DPYD: variants seen among roughly 807,000 people sequenced by gnomAD.
DPYD encodes the protein dihydropyrimidine dehydrogenase.
DPYD carries 109 observed loss-of-function variants against 116.2 expected under a neutral mutation model. The ratio of observed to expected loss-of-function variants is 0.94; its 90% CI spans 0.80 to 1.10. The LOEUF (loss-of-function observed/expected upper bound fraction) is 1.10. Ranked by LOEUF, DPYD falls within the 50% of genes least tolerant of loss-of-function variation. DPYD has a pLI of 0.00. For synonymous variants in DPYD, 440 were observed against 432.0 expected (o/e 1.02, Z -0.23); for missense variants, 1,302 against 1,254.5 (o/e 1.04, Z -0.57).
intron 4 of DPYD, among the ~76,000 whole-genome samples, chr1:97,726,072 T>C (rs904601484): frequency 2.6e-5 from 4 of 151,524 alleles, no homozygotes; most frequent in African/African-American, 7.2e-5. Flanking sequence ...TTGCATAAAA[T>C]AGCTAGATTA....
At chr1:97,863,125 A>G (rs1671204880) in intron 2 of DPYD, among the ~76,000 whole-genome samples, 1 of 151,958 alleles carries the variant, frequency 6.6e-6, no homozygotes, top group African/African-American at 2.4e-5. Flanking sequence ...GATATTAATC[A>G]TTAGGATAAA....
intron 12 of DPYD, among the ~76,000 whole-genome samples, chr1:97,541,596 T>C (rs1486530860): frequency 6.6e-6 from 1 of 152,150 alleles, no homozygotes; most frequent in Non-Finnish European, 1.5e-5. Context: ...TGAGAAAATA[T>C]CTATATGCTT....
chr1:97,212,683 C>A (rs998304281), intron 19 of DPYD, among the ~76,000 whole-genome samples: 3 of 152,088 alleles, frequency 2.0e-5, no homozygotes, highest in African/African-American at 7.2e-5. Context: ...TATATTCCAA[C>A]AAGCAATGTG....
At chr1:97,516,847 T>A (rs1165060961) in intron 12 of DPYD, among the ~76,000 whole-genome samples, 2 of 152,016 alleles carry the variant, frequency 1.3e-5, no homozygotes, top group Non-Finnish European at 2.9e-5. Flanking sequence ...CTTCTCTCTC[T>A]CTATCTCCAA....
At chr1:97,359,600 C>G (rs978159597) in intron 16 of DPYD, among the ~76,000 whole-genome samples, 5 of 152,186 alleles carry the variant, frequency 3.3e-5, no homozygotes, top group African/African-American at 1.2e-4. Flanking sequence ...ATCAGACTAA[C>G]AGTGGATCTC....
intron 8 of DPYD, among the ~76,000 whole-genome samples, chr1:97,631,290 C>T (rs1045948651): frequency 6.6e-6 from 1 of 152,080 alleles, no homozygotes; most frequent in African/African-American, 2.4e-5. Context: ...AAATTGAAAG[C>T]CCAGCCAGCC....
chr1:97,115,933 T>C (rs1035491687), intron 20 of DPYD, among the ~76,000 whole-genome samples: 2 of 152,166 alleles, frequency 1.3e-5, no homozygotes, highest in African/African-American at 4.8e-5. Flanking sequence ...TGTTTGAGGA[T>C]ATAGATTTTT....
At chr1:97,200,601 G>A (rs932119075) in intron 19 of DPYD, among the ~76,000 whole-genome samples, 2 of 152,094 alleles carry the variant, frequency 1.3e-5, no homozygotes, top group African/African-American at 4.8e-5. Context: ...CACATATTTT[G>A]TTTAAACTAT....
intron 13 of DPYD, among the ~76,000 whole-genome samples, chr1:97,515,306 T>A (rs1236401108): frequency 1.3e-5 from 2 of 151,934 alleles, no homozygotes; most frequent in African/African-American, 4.8e-5. Flanking sequence ...TTATAAAGAA[T>A]CTATCTTATC....
At chr1:97,171,762 CT>C (rs1210625822) in intron 20 of DPYD, among the ~76,000 whole-genome samples, 2 of 152,020 alleles carry the variant, frequency 1.3e-5, no homozygotes, top group Non-Finnish European at 2.9e-5. Flanking sequence ...TCTACTTTTC[CT>C]TGGGCAAATA....
intron 13 of DPYD, among the ~76,000 whole-genome samples, chr1:97,502,523 A>G (rs1298983555): frequency 6.6e-6 from 1 of 152,020 alleles, no homozygotes; most frequent in Non-Finnish European, 1.5e-5. Flanking sequence ...AAGGGCTAAG[A>G]GAAGCCATTG....
chr1:97,838,375 T>A (rs1389162889), intron 2 of DPYD, among the ~76,000 whole-genome samples: 2 of 152,154 alleles, frequency 1.3e-5, no homozygotes, highest in Non-Finnish European at 2.9e-5. Context: ...CAAAGACAAG[T>A]GAAAAACAGA....
chr1:97,142,646 T>C (rs1357599657), intron 20 of DPYD, among the ~76,000 whole-genome samples: 2 of 152,072 alleles, frequency 1.3e-5, no homozygotes, highest in Non-Finnish European at 2.9e-5. Context: ...CTTTACATAA[T>C]AATCTGTTAT....
At chr1:97,296,331 A>G (rs1277701026) in intron 18 of DPYD, among the ~76,000 whole-genome samples, 3 of 152,156 alleles carry the variant, frequency 2.0e-5, no homozygotes, top group Admixed American at 1.3e-4. Flanking sequence ...TAGGCTTACA[A>G]TGGAGAAGGT....
At chr1:97,439,760 G>A (rs141619834) in intron 14 of DPYD, among the ~76,000 whole-genome samples, 1 of 150,188 alleles carries the variant, frequency 6.7e-6, no homozygotes, top group Non-Finnish European at 1.5e-5. Flanking sequence ...TATTTACTTT[G>A]GGTTCAATCT....
intron 20 of DPYD, among the ~76,000 whole-genome samples, chr1:97,126,551 C>T (rs1286560922): frequency 1.3e-5 from 2 of 152,092 alleles, no homozygotes; most frequent in Non-Finnish European, 2.9e-5. Context: ...CTTACTATGT[C>T]CTAGGTCCCA....
chr1:97,406,855 A>T (rs1161985771), intron 14 of DPYD, among the ~76,000 whole-genome samples: 1 of 152,150 alleles, frequency 6.6e-6, no homozygotes, highest in African/African-American at 2.4e-5. Flanking sequence ...TAGTAAGTCA[A>T]CTAAAGTCAT....
chr1:97,651,943 T>A (rs1658607104), intron 8 of DPYD, among the ~76,000 whole-genome samples: 1 of 152,082 alleles, frequency 6.6e-6, no homozygotes, highest in Non-Finnish European at 1.5e-5. Flanking sequence ...AGAAAGGCAA[T>A]TTATCTACCT....
At chr1:97,642,317 C>T (rs1191585560) in intron 8 of DPYD, among the ~76,000 whole-genome samples, 1 of 152,078 alleles carries the variant, frequency 6.6e-6, no homozygotes, top group Non-Finnish European at 1.5e-5. Flanking sequence ...AAGCTGGAGG[C>T]ATCATGCTAC....
Sources: allele counts gnomAD v4.1 joint callset (sites outside exome capture counted in the v4.1 genomes callset), GRCh38; gene constraint gnomAD v4.1.1; transcripts MANE v1.5; gene names NCBI Gene and HGNC (gene_info 2026-07-23, HGNC 2026-07-21).